PCSK2: variants seen among roughly 807,000 people sequenced by gnomAD.
PCSK2 encodes proprotein convertase subtilisin/kexin type 2.
PCSK2 carries 14 observed loss-of-function variants against 69.7 expected under a neutral mutation model. The observed-to-expected ratio is 0.20, with a 90% CI of 0.13 to 0.31. PCSK2 has a LOEUF of 0.31. PCSK2 is among the 10% of genes least tolerant of loss of function. The pLI is 1.00. For missense variants in PCSK2, 544 were observed against 842.5 expected (o/e 0.65, Z 4.39); for synonymous variants, 307 against 320.7 (o/e 0.96, Z 0.46).
At chr20:17,278,708 C>T (rs966776385) in intron 2 of PCSK2, among the ~76,000 whole-genome samples, 1 of 152,068 alleles carries the variant, frequency 6.6e-6, no homozygotes, top group Admixed American at 6.6e-5. Context: ...TACCCTAAAA[C>T]TTAAAGTATA....
chr20:17,322,567 T>C (rs1989901863), intron 2 of PCSK2, among the ~76,000 whole-genome samples: 1 of 152,170 alleles, frequency 6.6e-6, no homozygotes, highest in Admixed American at 6.6e-5. Context: ...ACTGAATAAT[T>C]TATGAAGAAC....
chr20:17,447,920 C>T (rs1194678402), intron 8 of PCSK2, among the ~76,000 whole-genome samples: 3 of 152,074 alleles, frequency 2.0e-5, no homozygotes, highest in African/African-American at 4.8e-5. Context: ...CTTTCAAGCC[C>T]GTTCTTATAC....
intron 2 of PCSK2, among the ~76,000 whole-genome samples, chr20:17,293,828 A>T (rs1002155749): frequency 2.3e-4 from 35 of 152,264 alleles, no homozygotes; most frequent in African/African-American, 7.7e-4. Context: ...CAACAAATGA[A>T]CTGGAACCTT....
intron 5 of PCSK2, among the ~76,000 whole-genome samples, chr20:17,407,474 C>G (rs59300690): frequency 0.034 from 5,107 of 152,178 alleles, 299 homozygotes; most frequent in African/African-American, 0.12. Context: ...ATATTCCTAC[C>G]CCACTAACTA....
At chr20:17,415,134 G>T (rs1028074092) in intron 6 of PCSK2, among the ~76,000 whole-genome samples, 1 of 152,180 alleles carries the variant, frequency 6.6e-6, no homozygotes, top group African/African-American at 2.4e-5. Flanking sequence ...ACAAGACGAG[G>T]ATGCCCTCTG....
At chr20:17,300,346 AT>A (rs1989037123) in intron 2 of PCSK2, among the ~76,000 whole-genome samples, 1 of 152,240 alleles carries the variant, frequency 6.6e-6, no homozygotes, top group African/African-American at 2.4e-5. Context: ...TGGAATTAAA[AT>A]GCATCTCCCC....
In PCSK2 at chr20:17,369,297, G is replaced by C. The variant is rs771763048; in HGVS notation, c.543+20G>C. The C allele has an allele frequency of 1.9e-6, 3 of 1,608,866 alleles. No individual in the cohort carries two copies. The highest frequency in any genetic ancestry group is 1.6e-4 in the Middle Eastern group (1 of 6,072). ...AACTATGTAAGTACAAGCCAACTTT[G>C]GTGGGGAAACAGATGCATCTTAAAT... On this transcript the variant is annotated intron_variant, in intron 5 of 11. Coordinates refer to ENST00000262545, the MANE Select transcript of PCSK2 (RefSeq NM_002594.5).
rs113640445 is a variant in PCSK2 at position 17,330,390 on chromosome 20, G to A, written c.283-27937G>A. On this transcript the variant is annotated intron_variant, in intron 2 of 11. Coordinates refer to ENST00000262545, the MANE Select transcript of PCSK2 (RefSeq NM_002594.5). ...GGGAGTATTAAGAGGTCAGGAGTTC[G>A]AGACCAGCCTGACCAACATGGCGAA... Among the ~76,000 whole-genome samples the A allele has an allele frequency of 8.2e-3, 1,240 of 152,054 alleles. 17 individuals are homozygous for A. Among genetic ancestry groups the A allele is most frequent in the African/African-American group, 0.027 (1,137 of 41,462 alleles).
At chr20:17,468,189 C>A (rs895834312) in intron 11 of PCSK2, among the ~76,000 whole-genome samples, 14 of 150,774 alleles carry the variant, frequency 9.3e-5, no homozygotes, top group Admixed American at 8.6e-4. Flanking sequence ...CATGGGCCAG[C>A]ATCCTGCCGT....
rs2032388336 is a variant in PCSK2, at chr20:17,432,508, TG to T, written c.709+2986del. Among the ~76,000 whole-genome samples, 4 of 152,254 alleles carry T rather than the reference TG, an allele frequency of 2.6e-5. No homozygotes were observed. The South Asian group carries it at 8.3e-4, about 31-fold the overall frequency. On this transcript the variant is annotated intron_variant, in intron 7 of 11. Transcript: ENST00000262545. Reference sequence around the variant, plus strand: ...AAGAAAAATATTACTTTTTTTATTTTGAAAATGCCTTTATTCAAGTAACTGT... The same window carrying T: ...AAGAAAAATATTACTTTTTTTATTTTAAAATGCCTTTATTCAAGTAACTGT...
At chr20:17,364,082 A>G (rs1344036069) in intron 4 of PCSK2, among the ~76,000 whole-genome samples, 1 of 152,172 alleles carries the variant, frequency 6.6e-6, no homozygotes, top group Non-Finnish European at 1.5e-5. Flanking sequence ...GCACATGTAT[A>G]CACATGTAAT....
chr20:17,275,112 T>A (rs995427005), intron 2 of PCSK2, among the ~76,000 whole-genome samples: 7 of 135,248 alleles, frequency 5.2e-5, no homozygotes, highest in African/African-American at 1.6e-4. Flanking sequence ...TATATATATA[T>A]AATGTTGGGC....
chr20:17,324,117 G>A (rs746578368), intron 2 of PCSK2, among the ~76,000 whole-genome samples: 3 of 152,192 alleles, frequency 2.0e-5, no homozygotes, highest in Non-Finnish European at 4.4e-5. Context: ...CCTAGTTGTG[G>A]ACAGTAGTAA....
chr20:17,450,351 T>C (rs1490745565), intron 8 of PCSK2, among the ~76,000 whole-genome samples: 1 of 152,130 alleles, frequency 6.6e-6, no homozygotes, highest in Non-Finnish European at 1.5e-5. Context: ...TTATCCTTTA[T>C]GTGGCCAGTG....
Position 17,358,307 on chromosome 20 carries a change from T to TG in PCSK2, c.283-19dup. ...ATGTTCAGATTATATTCAGGTAATATGTCAGCATTGTCATTCCAGGTAAAG... is the reference window on the plus strand; with the variant it reads ...ATGTTCAGATTATATTCAGGTAATATGGTCAGCATTGTCATTCCAGGTAAAG... On this transcript the variant is annotated intron_variant, in intron 2 of 11. Transcript: ENST00000262545. 1 of 1,340,482 alleles carries TG rather than the reference T, an allele frequency of 7.5e-7. No individual in the cohort carries two copies. Among genetic ancestry groups the TG allele is most frequent in the Non-Finnish European group, 1.1e-6 (1 of 930,326 alleles). The allele number at this position is 1,340,482 out of a possible 1,614,324, so 83.0% of individuals were successfully genotyped here.
intron 11 of PCSK2, chr20:17,479,132 A>T (rs2033343423): frequency 7.4e-7 from 1 of 1,359,420 alleles, no homozygotes; most frequent in South Asian, 1.2e-5. Flanking sequence ...TTCATGGTCC[A>T]GTTCTCCCAT....
At chr20:17,442,613 T>C (rs1364833014) in intron 8 of PCSK2, among the ~76,000 whole-genome samples, 2 of 152,184 alleles carry the variant, frequency 1.3e-5, no homozygotes, top group African/African-American at 4.8e-5. Context: ...TTCTCTGATG[T>C]AGCTTCCTCG....
intron 5 of PCSK2, among the ~76,000 whole-genome samples, chr20:17,405,355 T>G (rs991954968): frequency 3.3e-5 from 5 of 152,136 alleles, no homozygotes; most frequent in Admixed American, 3.3e-4. Context: ...AATTCCAGAT[T>G]TGAAGGTATG....
At chr20:17,421,692 T>A (rs974279359) in intron 6 of PCSK2, among the ~76,000 whole-genome samples, 4 of 151,908 alleles carry the variant, frequency 2.6e-5, no homozygotes, top group Admixed American at 1.3e-4. Context: ...TCTTATCTCC[T>A]TATCTCTGTG....
Sources: gnomAD v4.1 joint callset for allele counts (sites outside exome capture counted in the v4.1 genomes callset) on GRCh38, gnomAD v4.1.1 for gene constraint, MANE v1.5 for transcripts, NCBI Gene and HGNC (gene_info 2026-07-23, HGNC 2026-07-21) for gene names.